Variants in MARCHF1 observed in about 807,000 individuals in gnomAD.
MARCHF1 encodes the protein membrane associated ring-CH-type finger 1, also known as E3 ubiquitin-protein ligase MARCHF1.
MARCHF1 carries 40 observed loss-of-function variants against 54.2 expected under a neutral mutation model. The ratio of observed to expected loss-of-function variants is 0.74; its 90% confidence interval spans 0.57 to 0.96. The LOEUF is 0.96. MARCHF1 is among the 40% of genes least tolerant of loss of function. MARCHF1 has a pLI of 0.00. For synonymous variants in MARCHF1, 236 were observed against 236.3 expected (o/e 1.00, Z 0.01); for missense variants, 586 against 656.5 (o/e 0.89, Z 1.17).
chr4:164,225,719 C>T (rs2111164228), intron 1 of MARCHF1, among the ~76,000 whole-genome samples: 1 of 151,930 alleles, frequency 6.6e-6, no homozygotes, highest in East Asian at 1.9e-4. Context: ...ATACCTGAAA[C>T]TCTCATATAT....
chr4:164,114,142 A>G (rs1334000491), intron 1 of MARCHF1, among the ~76,000 whole-genome samples: 1 of 151,984 alleles, frequency 6.6e-6, no homozygotes, highest in Non-Finnish European at 1.5e-5. Context: ...CTGAGCTTCA[A>G]AACATACGTT....
chr4:164,301,541 C>T (rs752749377), intron 1 of MARCHF1, among the ~76,000 whole-genome samples: 9 of 152,134 alleles, frequency 5.9e-5, no homozygotes, highest in East Asian at 1.9e-4. Context: ...GGATAGGGCT[C>T]GGTTTGTACA....
chr4:164,305,154 T>C (rs1322921180), intron 1 of MARCHF1, among the ~76,000 whole-genome samples: 2 of 152,098 alleles, frequency 1.3e-5, no homozygotes, highest in Non-Finnish European at 2.9e-5. Flanking sequence ...TACTGTGAAA[T>C]GGGAAAGTGA....
chr4:164,035,316 C>T (rs1753969207), intron 2 of MARCHF1, among the ~76,000 whole-genome samples: 1 of 151,848 alleles, frequency 6.6e-6, no homozygotes. Flanking sequence ...ACCAGATAAT[C>T]ATGAATTAAA....
intron 2 of MARCHF1, among the ~76,000 whole-genome samples, chr4:164,023,948 A>G (rs1334776828): frequency 6.6e-6 from 1 of 152,220 alleles, no homozygotes; most frequent in African/African-American, 2.4e-5. Context: ...ATACAATTTG[A>G]AGTATTATTA....
intron 3 of MARCHF1, among the ~76,000 whole-genome samples, chr4:163,940,152 C>T (rs1274875183): frequency 6.6e-6 from 1 of 152,098 alleles, no homozygotes. Flanking sequence ...CCTTACTAGA[C>T]ACCAAATCAA....
At chr4:163,673,110 G>A (rs539628833) in intron 5 of MARCHF1, among the ~76,000 whole-genome samples, 11 of 152,292 alleles carry the variant, frequency 7.2e-5, no homozygotes, top group Admixed American at 2.6e-4. Context: ...TATCTTTGAA[G>A]GGCTGTAATT....
intron 3 of MARCHF1, among the ~76,000 whole-genome samples, chr4:163,893,039 T>C (rs1338861049): frequency 1.3e-5 from 2 of 151,414 alleles, no homozygotes; most frequent in East Asian, 3.9e-4. Flanking sequence ...GCACAATAAG[T>C]CAGTTTGACC....
intron 1 of MARCHF1, among the ~76,000 whole-genome samples, chr4:164,256,432 T>TAA (rs11345775): frequency 1.6e-3 from 191 of 121,852 alleles, no homozygotes; most frequent in African/African-American, 5.5e-3. Context: ...ACAAGAAGCT[T>TAA]AAAAAAAAAA....
Position 164,084,834 on chromosome 4 carries a change from G to A in MARCHF1, c.-248+26754C>T, listed in dbSNP as rs898036702. Among the ~76,000 whole-genome samples the A allele has an allele frequency of 2.0e-5, 3 of 151,620 alleles. 1 individual carries two copies. In the South Asian group the frequency reaches 6.2e-4, roughly 31 times the overall value. On this transcript the variant is annotated intron_variant, in intron 2 of 9. Coordinates refer to ENST00000514618, the MANE Select transcript of MARCHF1 (RefSeq NM_001394959.1). ...TGCTTGAACCACTATTAATGTCAAA[G>A]AACAAACCACATTGATGACTTTATC...
At chr4:163,611,664 A>T (rs550596577) in intron 7 of MARCHF1, among the ~76,000 whole-genome samples, 15 of 152,248 alleles carry the variant, frequency 9.9e-5, no homozygotes, top group Non-Finnish European at 1.9e-4. Context: ...CATAGCTAGA[A>T]AATATCCACA....
rs759985759 is a variant in MARCHF1, at chr4:164,284,326, G to GAGAGAGAC, written c.-323+99536_-323+99543dup. ...TCCTTAAGCTAAAGAAAGTGAGAGA[G>GAGAGAGAC]AGAGAGACAGAGAGAGAGAGAGAGA... On this transcript the variant is annotated intron_variant, in intron 1 of 9. Transcript: ENST00000514618. Among the ~76,000 whole-genome samples, 2 of 124,440 alleles carry GAGAGAGAC rather than the reference G, an allele frequency of 1.6e-5. 1 individual carries two copies. The highest frequency in any genetic ancestry group is 1.7e-4 in the Admixed American group (2 of 12,118). The allele number at this position is 124,440 out of a possible 152,430, so 81.6% of individuals were successfully genotyped here.
At chr4:163,708,043 C>T (rs984124922) in intron 4 of MARCHF1, among the ~76,000 whole-genome samples, 14 of 151,750 alleles carry the variant, frequency 9.2e-5, no homozygotes, top group Non-Finnish European at 1.9e-4. Context: ...CTATAGGCTT[C>T]TTGTGTTTGC....
intron 1 of MARCHF1, among the ~76,000 whole-genome samples, chr4:164,120,493 A>G (rs1756043823): frequency 6.6e-6 from 1 of 152,162 alleles, no homozygotes; most frequent in African/African-American, 2.4e-5. Flanking sequence ...GATCTAATAG[A>G]TATTTACAGA....
intron 5 of MARCHF1, among the ~76,000 whole-genome samples, chr4:163,691,854 A>G (rs1319230217): frequency 6.6e-6 from 1 of 152,168 alleles, no homozygotes; most frequent in Admixed American, 6.5e-5. Flanking sequence ...TGTGTGGCTG[A>G]TGATCATAGC....
chr4:164,093,302 C>A (rs1396927058), intron 2 of MARCHF1, among the ~76,000 whole-genome samples: 1 of 152,086 alleles, frequency 6.6e-6, no homozygotes, highest in Non-Finnish European at 1.5e-5. Context: ...ACTGATGGAA[C>A]ATTTTTCTTC....
intron 5 of MARCHF1, among the ~76,000 whole-genome samples, chr4:163,666,721 G>T (rs1303554659): frequency 1.7e-4 from 25 of 147,004 alleles, no homozygotes; most frequent in Admixed American, 6.1e-4. Flanking sequence ...TTTTTTTTTT[G>T]GCCTATTTTC....
At chr4:163,861,333 A>T (rs35361090) in intron 3 of MARCHF1, among the ~76,000 whole-genome samples, 1 of 151,986 alleles carries the variant, frequency 6.6e-6, no homozygotes, top group African/African-American at 2.4e-5. Flanking sequence ...AATTTGTAAC[A>T]TATGTACAAC....
intron 2 of MARCHF1, among the ~76,000 whole-genome samples, chr4:164,082,750 T>C (rs1312000492): frequency 1.3e-5 from 2 of 152,154 alleles, no homozygotes; most frequent in African/African-American, 4.8e-5. Context: ...AAGCAAGCAA[T>C]GTGATCAGTC....
Sources: allele counts gnomAD v4.1 joint callset (sites outside exome capture counted in the v4.1 genomes callset), GRCh38; gene constraint gnomAD v4.1.1; transcripts MANE v1.5; gene names NCBI Gene and HGNC (gene_info 2026-07-23, HGNC 2026-07-21).